CBL: variants seen among roughly 807,000 people sequenced by gnomAD.
The protein encoded by CBL is Cbl proto-oncogene.
CBL carries 45 observed loss-of-function variants against 96.9 expected under a neutral mutation model. That is an observed-to-expected ratio of 0.46 (90% CI 0.37 to 0.60). The LOEUF (loss-of-function observed/expected upper bound fraction) is 0.60, where lower values mean the gene tolerates loss of function less well. Ranked by LOEUF, CBL falls within the 20% of genes least tolerant of loss-of-function variation. The pLI is 0.00. For missense variants in CBL, 1,024 were observed against 1,143.5 expected (o/e 0.90, Z 1.51); for synonymous variants, 420 against 426.8 (o/e 0.98, Z 0.20).
intron 2 of CBL, among the ~76,000 whole-genome samples, chr11:119,250,906 A>T (rs999855169): frequency 7.2e-5 from 11 of 152,302 alleles, no homozygotes; most frequent in Admixed American, 2.0e-4. Flanking sequence ...AGCCAAGATC[A>T]CACCACTGCA....
intron 1 of CBL, among the ~76,000 whole-genome samples, chr11:119,220,003 C>T (rs1949395594): frequency 1.3e-5 from 2 of 152,146 alleles, no homozygotes; most frequent in Non-Finnish European, 2.9e-5. Context: ...GTGTGCGCCA[C>T]CACGCCCGGC....
rs1950162991 is a variant in CBL, at chr11:119,307,998, G to A, written c.*8217G>A. ...TTTCATTTTAAGTCCATTTTATTTT[G>A]CCAGTGTATTAATGTTTAGAAGTCT... On this transcript the variant is annotated 3_prime_UTR_variant, in exon 16 of 16. Transcript: ENST00000264033. 1 of 191,784 alleles carries A rather than the reference G, an allele frequency of 5.2e-6. No individual in the cohort carries two copies. Among genetic ancestry groups the A allele is most frequent in the South Asian group, 1.9e-4 (1 of 5,130 alleles). 11.9% of individuals were successfully genotyped at this position (191,784 alleles called of 1,614,324 possible).
intron 2 of CBL, among the ~76,000 whole-genome samples, chr11:119,264,313 C>A (rs1949778566): frequency 6.6e-6 from 1 of 152,022 alleles, no homozygotes; most frequent in Non-Finnish European, 1.5e-5. Context: ...CCATCTTGGC[C>A]TCCCAAAGAG....
At position 119,232,579 on chromosome 11, in the gene CBL, T is replaced by A. The variant is rs1565859797; in HGVS notation, c.327T>A (p.Leu109=). 1 of 1,614,116 alleles carries A rather than the reference T, an allele frequency of 6.2e-7. No individual in the cohort carries two copies. Among genetic ancestry groups the A allele is most frequent in the Non-Finnish European group, 8.5e-7 (1 of 1,179,996 alleles). Residue 109 remains leucine, a synonymous_variant, in exon 2 of 16, where the codon CTT becomes CTA. Transcript: ENST00000264033. ...LSRYEGKMET[L]GENEYFRVFM... ...GATATGAGGGGAAGATGGAGACACT[T>A]GGAGAAAATGAGTATTTTAGGGTGT...
chr11:119,294,791 A>T (rs1049207758), intron 12 of CBL, among the ~76,000 whole-genome samples: 14 of 93,872 alleles, frequency 1.5e-4, no homozygotes, highest in African/African-American at 5.7e-4. Flanking sequence ...CTCCGTCTCA[A>T]AAAGGAAAAA....
Position 119,300,056 on chromosome 11 carries a change from T to C in CBL, c.*275T>C. On this transcript the variant is annotated 3_prime_UTR_variant, in exon 16 of 16. Coordinates refer to ENST00000264033, the MANE Select transcript of CBL (RefSeq NM_005188.4). ...GGATTATATTACATGATAACCTACC[T>C]GGGGAACAGTCCAGAAAGCTATAGA... 1 of 576,046 alleles carries C rather than the reference T, an allele frequency of 1.7e-6. No homozygotes were observed. The highest frequency in any genetic ancestry group is 3.1e-6 in the Non-Finnish European group (1 of 322,844). 35.7% of individuals were successfully genotyped at this position (576,046 alleles called of 1,614,324 possible).
chr11:119,224,121 G>A (rs1171347968), intron 1 of CBL, among the ~76,000 whole-genome samples: 1 of 152,140 alleles, frequency 6.6e-6, no homozygotes, highest in African/African-American at 2.4e-5. Flanking sequence ...ACTTTAAGAG[G>A]TGACATGCTA....
At chr11:119,278,030 TA>T in intron 7 of CBL, 135 bp from the exon 8 acceptor site, 1 of 921,050 alleles carries the variant, frequency 1.1e-6, no homozygotes, top group Non-Finnish European at 1.7e-6. Context: ...TCTGGTTTAA[TA>T]AAAAATAAAC....
Position 119,302,066 on chromosome 11 carries a change from G to GT in CBL, c.*2287dup, listed in dbSNP as rs1470599587. On this transcript the variant is annotated 3_prime_UTR_variant, in exon 16 of 16. Transcript: ENST00000264033. Reference sequence around the variant, plus strand: ...TGGAGATTATCTCCCTACTGTGTAGGTTAAGGGCAGTCTCGACTTTTCCTT... The same window carrying GT: ...TGGAGATTATCTCCCTACTGTGTAGGTTTAAGGGCAGTCTCGACTTTTCCTT... 1 of 232,762 alleles carries GT rather than the reference G, an allele frequency of 4.3e-6. No individual in the cohort carries two copies. The highest frequency in any genetic ancestry group is 5.6e-5 in the Admixed American group (1 of 17,762). The allele number at this position is 232,762 out of a possible 1,614,324, so 14.4% of individuals were successfully genotyped here. A position where few individuals can be genotyped will look rare whatever the true frequency, so the allele number is the denominator to read the frequency against.
intron 2 of CBL, among the ~76,000 whole-genome samples, chr11:119,239,291 G>A (rs760072007): frequency 8.6e-5 from 13 of 152,044 alleles, no homozygotes; most frequent in Non-Finnish European, 1.6e-4. Context: ...CTTCTTTAAT[G>A]TATTTCAGTA....
chr11:119,208,857 C>T (rs1477225608), intron 1 of CBL, among the ~76,000 whole-genome samples: 1 of 152,168 alleles, frequency 6.6e-6, no homozygotes, highest in Non-Finnish European at 1.5e-5. Context: ...TTGATTTATT[C>T]TGCAGAATGT....
chr11:119,299,869 G>A lies in CBL; in HGVS notation c.*88G>A. The A allele has an allele frequency of 1.5e-6, 2 of 1,307,090 alleles. No homozygotes were observed. Among genetic ancestry groups the A allele is most frequent in the Non-Finnish European group, 2.2e-6 (2 of 911,286 alleles). 81.0% of individuals were successfully genotyped at this position (1,307,090 alleles called of 1,614,324 possible). Reference sequence around the variant, plus strand: ...ACCTAGAAGGGCAGGAGTTCCTTTGGTGACTTCACAGTGAAGTCTTGCCCT... The same window carrying A: ...ACCTAGAAGGGCAGGAGTTCCTTTGATGACTTCACAGTGAAGTCTTGCCCT... On this transcript the variant is annotated 3_prime_UTR_variant, in exon 16 of 16. Coordinates refer to ENST00000264033, the MANE Select transcript of CBL (RefSeq NM_005188.4).
intron 12 of CBL, among the ~76,000 whole-genome samples, chr11:119,292,656 G>A (rs571042639): frequency 1.2e-4 from 18 of 152,094 alleles, no homozygotes; most frequent in East Asian, 5.8e-4. Flanking sequence ...TCTCCTGACC[G>A]TGATCTGCCC....
At chr11:119,216,623 G>C (rs900813679) in intron 1 of CBL, among the ~76,000 whole-genome samples, 2 of 152,014 alleles carry the variant, frequency 1.3e-5, no homozygotes, top group African/African-American at 4.8e-5. Context: ...GCCTGCCTCG[G>C]CCTCCCAAAG....
chr11:119,243,412 A>G (rs980836400), intron 2 of CBL, among the ~76,000 whole-genome samples: 3 of 151,888 alleles, frequency 2.0e-5, no homozygotes, highest in African/African-American at 7.3e-5. Context: ...TCACCCTCCC[A>G]AAGTGCTGGG....
intron 1 of CBL, among the ~76,000 whole-genome samples, chr11:119,223,918 C>A (rs1350823223): frequency 1.3e-5 from 2 of 152,084 alleles, no homozygotes; most frequent in Non-Finnish European, 2.9e-5. Flanking sequence ...AGCCAATGCC[C>A]CTGGCAATTT....
chr11:119,296,436 C>T (rs1268815189), intron 12 of CBL, among the ~76,000 whole-genome samples: 1 of 152,154 alleles, frequency 6.6e-6, no homozygotes, highest in African/African-American at 2.4e-5. Context: ...TCAGAATTTA[C>T]GCTAACTGCG....
At chr11:119,219,485 T>G (rs1949390919) in intron 1 of CBL, among the ~76,000 whole-genome samples, 1 of 152,044 alleles carries the variant, frequency 6.6e-6, no homozygotes, top group Non-Finnish European at 1.5e-5. Flanking sequence ...GTGTTAAATT[T>G]GTGGATGGAA....
At chr11:119,284,702 G>A (rs1949966566) in intron 9 of CBL, among the ~76,000 whole-genome samples, 1 of 152,132 alleles carries the variant, frequency 6.6e-6, no homozygotes, top group East Asian at 1.9e-4. Context: ...TTGTAGCCCT[G>A]TCCTTTCTAG....
Sources: gnomAD v4.1 joint callset for allele counts (sites outside exome capture counted in the v4.1 genomes callset) on GRCh38, gnomAD v4.1.1 for gene constraint, MANE v1.5 for transcripts, NCBI Gene and HGNC (gene_info 2026-07-23, HGNC 2026-07-21) for gene names.